NGEF: variants seen among roughly 807,000 people sequenced by gnomAD.
NGEF encodes the protein ephexin-1.
NGEF carries 31 observed loss-of-function variants against 80.9 expected under a neutral mutation model. That is an observed-to-expected ratio of 0.38 (90% CI 0.29 to 0.52). The LOEUF is 0.52. NGEF is among the 20% of genes least tolerant of loss of function. The pLI, the probability that NGEF is intolerant of heterozygous loss-of-function variation, is 0.84. For missense variants in NGEF, 709 were observed against 926.2 expected, an observed-to-expected ratio of 0.77 and a Z score of 3.04; for synonymous variants, 371 against 370.2, an observed-to-expected ratio of 1.00 and a Z score of -0.03.
intron 3 of NGEF, among the ~76,000 whole-genome samples, chr2:232,960,662 T>C (rs374080838): frequency 6.6e-6 from 1 of 152,158 alleles, no homozygotes. Context: ...GTGGATCACC[T>C]GAGGTCAGAA....
intron 1 of NGEF, among the ~76,000 whole-genome samples, chr2:232,979,918 C>T (rs139240099): frequency 1.4e-4 from 21 of 152,126 alleles, no homozygotes; most frequent in African/African-American, 3.9e-4. Context: ...TCGCAACTTC[C>T]GCATGAGTCA....
intron 5 of NGEF, 150 bp from the exon 6 acceptor site, chr2:232,895,066 G>A (rs558982526): frequency 2.0e-5 from 16 of 815,938 alleles, no homozygotes; most frequent in Non-Finnish European, 3.0e-5. Flanking sequence ...GCTGCTGCAG[G>A]GGCAGCTGGT....
chr2:232,995,056 A>G (rs9677058), intron 1 of NGEF, among the ~76,000 whole-genome samples: 1,800 of 78,038 alleles, frequency 0.023, 321 homozygotes, highest in Non-Finnish European at 0.029. Flanking sequence ...TACTGTATAT[A>G]TGTACAGTAT....
At chr2:232,989,373 G>A (rs1574655830) in intron 1 of NGEF, among the ~76,000 whole-genome samples, 1 of 152,240 alleles carries the variant, frequency 6.6e-6, no homozygotes, top group East Asian at 1.9e-4. Context: ...GCTTGAACCC[G>A]GGAGGCAGAG....
At chr2:232,926,686 G>C (rs1693075606) in intron 4 of NGEF, among the ~76,000 whole-genome samples, 1 of 152,150 alleles carries the variant, frequency 6.6e-6, no homozygotes, top group Admixed American at 6.6e-5. Context: ...TTCCTTGATG[G>C]GGGATAGTGG....
chr2:232,996,788 C>T (rs1404841890), intron 1 of NGEF, among the ~76,000 whole-genome samples: 1 of 151,966 alleles, frequency 6.6e-6, no homozygotes, highest in Non-Finnish European at 1.5e-5. Flanking sequence ...AGCCACAGCG[C>T]CTGGCATCGT....
intron 3 of NGEF, among the ~76,000 whole-genome samples, chr2:232,965,146 C>T (rs2106316860): frequency 6.6e-6 from 1 of 152,288 alleles, no homozygotes; most frequent in East Asian, 1.9e-4. Context: ...AAGATAAATG[C>T]TGTAGTCTCT....
chr2:232,889,343 G>A (rs981262674), intron 8 of NGEF, among the ~76,000 whole-genome samples: 8 of 152,106 alleles, frequency 5.3e-5, no homozygotes, highest in Middle Eastern at 3.2e-3. Flanking sequence ...GCCTCCACTC[G>A]GTGTGTCCCC....
Position 232,918,628 on chromosome 2 carries a change from G to GTTTTTTGTTTTTTTTTTTTTTTT in NGEF, c.828+1655_828+1656insAAAAAAAAAAAAAAAACAAAAAA, listed in dbSNP as rs1692862363. On this transcript the variant is annotated intron_variant, in intron 5 of 14. Transcript: ENST00000264051. ...AGGTTCTACTAGGATTTATTTCTAA[G>GTTTTTTGTTTTTTTTTTTTTTTT]TTTTTTTTTTTTTTTTTTTTTTTTT... Among the ~76,000 whole-genome samples, 2 of 108,050 alleles carry GTTTTTTGTTTTTTTTTTTTTTTT rather than the reference G, an allele frequency of 1.9e-5. 1 individual carries two copies. The allele number at this position is 108,050 out of a possible 152,430, so 70.9% of individuals were successfully genotyped here.
intron 5 of NGEF, among the ~76,000 whole-genome samples, chr2:232,910,477 G>T (rs1692669180): frequency 6.6e-6 from 1 of 151,938 alleles, no homozygotes; most frequent in African/African-American, 2.4e-5. Context: ...TGGGGGTGGG[G>T]GTTGGGGACC....
chr2:232,898,986 A>C (rs946010900), intron 5 of NGEF, among the ~76,000 whole-genome samples: 1 of 151,354 alleles, frequency 6.6e-6, no homozygotes, highest in African/African-American at 2.4e-5. Flanking sequence ...GTGTGTGTGA[A>C]TGTGAGTGTG....
At position 232,996,746 on chromosome 2, in the gene NGEF, C is replaced by T. The variant is rs1387052907; in HGVS notation, c.-75+16322G>A. Among the ~76,000 whole-genome samples the T allele has an allele frequency of 2.6e-5, 4 of 152,184 alleles. No individual in the cohort carries two copies. The East Asian group carries it at 7.7e-4, about 29-fold the overall frequency. The stretch of plus-strand genomic sequence containing the variant: ...CTAACCTCAGGTGATCTGTCTGCCT[C>T]AGCCTCCCAAAGTGCTGGGATTACA... On this transcript the variant is annotated intron_variant, in intron 1 of 14. Coordinates refer to ENST00000264051, the MANE Select transcript of NGEF (RefSeq NM_019850.3).
chr2:232,900,290 T>TCA (rs764033996), intron 5 of NGEF, among the ~76,000 whole-genome samples: 1 of 80,838 alleles, frequency 1.2e-5, no homozygotes, highest in Non-Finnish European at 2.7e-5. Context: ...ACACACGCTC[T>TCA]CAGTCACTCA....
At position 232,892,860 on chromosome 2, in the gene NGEF, C is replaced by T. The variant is rs768979183; in HGVS notation, c.1142+38G>A. On this transcript the variant is annotated intron_variant, in intron 7 of 14. Coordinates refer to ENST00000264051, the MANE Select transcript of NGEF (RefSeq NM_019850.3). The surrounding 1 kb of genome is among the most constrained non-coding windows in gnomAD (Gnocchi z 4.0). ...GCACTGGTATGGCTGCCCCGGGCAC[C>T]TCCCCCTGCCCCTGAGCCCCTTGCC... The T allele has an allele frequency of 3.7e-6, 6 of 1,602,636 alleles. No individual in the cohort carries two copies. Among genetic ancestry groups the T allele is most frequent in the African/African-American group, 1.3e-5 (1 of 74,816 alleles).
At chr2:232,991,800 T>C (rs925631846) in intron 1 of NGEF, among the ~76,000 whole-genome samples, 1 of 152,092 alleles carries the variant, frequency 6.6e-6, no homozygotes, top group African/African-American at 2.4e-5. Flanking sequence ...AAGAACAGAG[T>C]TGGACTCACA....
At chr2:232,919,382 C>A (rs892010973) in intron 5 of NGEF, among the ~76,000 whole-genome samples, 1 of 151,792 alleles carries the variant, frequency 6.6e-6, no homozygotes, top group African/African-American at 2.4e-5. Flanking sequence ...TGAGACGGAG[C>A]GGAAGAGGAC....
At position 233,013,070 on chromosome 2, in the gene NGEF, G is replaced by A; in HGVS notation, c.-77C>T. ...AAATACCAAAACCATTCTCTCACCT[G>A]CCAGAGAGGAGCTCATAGGAGTTGG... On this transcript the variant is annotated splice_region_variant and 5_prime_UTR_variant, in exon 1 of 15. Coordinates refer to ENST00000264051, the MANE Select transcript of NGEF (RefSeq NM_019850.3). 1 of 467,674 alleles carries A rather than the reference G, an allele frequency of 2.1e-6. No homozygotes were observed. The highest frequency in any genetic ancestry group is 1.6e-5 in the South Asian group (1 of 64,300). 29.0% of individuals were successfully genotyped at this position (467,674 alleles called of 1,614,324 possible).
At position 232,995,118 on chromosome 2, in the gene NGEF, A is replaced by G. The variant is rs867767352; in HGVS notation, c.-75+17950T>C. ...ATATGTGTACAGTATGTATATGTGT[A>G]CAGTATGTATATATGTACAGTATGT... On this transcript the variant is annotated intron_variant, in intron 1 of 14. Transcript: ENST00000264051. Among the ~76,000 whole-genome samples the G allele has an allele frequency of 2.9e-3, 35 of 12,210 alleles. 14 individuals are homozygous for G. The highest frequency in any genetic ancestry group is 0.02 in the African/African-American group (33 of 1,626). 8.0% of individuals were successfully genotyped at this position (12,210 alleles called of 152,430 possible).
chr2:232,920,266 C>A lies in NGEF; in HGVS notation c.828+18G>T. 3 of 1,602,268 alleles carry A rather than the reference C, an allele frequency of 1.9e-6. No individual in the cohort carries two copies. Among genetic ancestry groups the A allele is most frequent in the Non-Finnish European group, 2.6e-6 (3 of 1,173,790 alleles). ...CCGGTGTGCTGTGGGGGAGCCCCCG[C>A]CCCTCGGCGCCTGTTACCTCCTGCA... On this transcript the variant is annotated intron_variant, in intron 5 of 14. Coordinates refer to ENST00000264051, the MANE Select transcript of NGEF (RefSeq NM_019850.3).
Sources: allele counts gnomAD v4.1 joint callset (sites outside exome capture counted in the v4.1 genomes callset), GRCh38; gene constraint gnomAD v4.1.1; non-coding constraint Gnocchi (gnomAD v3.1); transcripts MANE v1.5; gene names NCBI Gene and HGNC (gene_info 2026-07-23, HGNC 2026-07-21).